The following GRID1 variants were observed in gnomAD, a reference collection of about 807,000 sequenced individuals.
GRID1 encodes glutamate ionotropic receptor delta type subunit 1.
A neutral mutation model predicts 98.0 loss-of-function variants in GRID1; 28 were observed. That is an observed-to-expected ratio of 0.29 (90% CI 0.21 to 0.39). The LOEUF is 0.39. Among genes scored for constraint, GRID1 ranks in the 10% least tolerant of loss-of-function variants. GRID1 has a pLI of 1.00. For missense variants in GRID1, 1,111 were observed against 1,340.5 expected (o/e 0.83, Z 2.67); for synonymous variants, 553 against 538.5 (o/e 1.03, Z -0.37).
intron 4 of GRID1, among the ~76,000 whole-genome samples, chr10:86,040,408 A>G (rs1843329406): frequency 6.6e-6 from 1 of 152,024 alleles, no homozygotes; most frequent in Non-Finnish European, 1.5e-5. Flanking sequence ...CAGCCATAAA[A>G]AATGATGAAA....
intron 2 of GRID1, among the ~76,000 whole-genome samples, chr10:86,271,232 A>C (rs1490395151): frequency 6.6e-6 from 1 of 152,358 alleles, no homozygotes; most frequent in Non-Finnish European, 1.5e-5. Context: ...GAGTATGTAG[A>C]AAGGTCCTGC....
chr10:86,032,687 C>T (rs946922428), intron 4 of GRID1, among the ~76,000 whole-genome samples: 7 of 152,052 alleles, frequency 4.6e-5, no homozygotes, highest in South Asian at 2.1e-4. Context: ...ACAAACACTG[C>T]GGAAGGCCGC....
chr10:85,880,441 A>T (rs934599596), intron 5 of GRID1, among the ~76,000 whole-genome samples: 2 of 152,240 alleles, frequency 1.3e-5, no homozygotes, highest in Non-Finnish European at 2.9e-5. Flanking sequence ...AGTGGGCTTC[A>T]TCCCTGGGAT....
chr10:85,674,678 C>T (rs1390163113), intron 12 of GRID1, among the ~76,000 whole-genome samples: 1 of 150,826 alleles, frequency 6.6e-6, no homozygotes, highest in South Asian at 2.1e-4. Context: ...TGTCACACAA[C>T]TTAGTACAAG....
intron 3 of GRID1, among the ~76,000 whole-genome samples, chr10:86,184,591 TC>T (rs1845703268): frequency 6.6e-6 from 1 of 151,804 alleles, no homozygotes; most frequent in African/African-American, 2.4e-5. Context: ...TAAGTGGGGG[TC>T]CATTTTTGGA....
intron 8 of GRID1, among the ~76,000 whole-genome samples, chr10:85,843,592 C>T (rs1344181301): frequency 2.6e-5 from 4 of 151,820 alleles, no homozygotes; most frequent in African/African-American, 9.7e-5. Flanking sequence ...CTCAACAGTA[C>T]AATATAAGCA....
intron 3 of GRID1, among the ~76,000 whole-genome samples, chr10:86,175,419 C>T (rs1845561307): frequency 6.6e-6 from 1 of 151,946 alleles, no homozygotes; most frequent in Non-Finnish European, 1.5e-5. Context: ...CCTCTTGATA[C>T]CATGATCCCT....
intron 12 of GRID1, among the ~76,000 whole-genome samples, chr10:85,674,932 T>A (rs1590185108): frequency 6.6e-6 from 1 of 152,340 alleles, no homozygotes; most frequent in Non-Finnish European, 1.5e-5. Flanking sequence ...CTGCTTAAAC[T>A]GCTCATATAT....
intron 8 of GRID1, among the ~76,000 whole-genome samples, chr10:85,818,431 A>G (rs1842734788): frequency 1.3e-5 from 2 of 152,200 alleles, no homozygotes; most frequent in South Asian, 4.1e-4. Flanking sequence ...TTGTCCATTA[A>G]AAGGTCCAAG....
chr10:86,008,173 C>A (rs1314709706), intron 4 of GRID1, among the ~76,000 whole-genome samples: 1 of 152,142 alleles, frequency 6.6e-6, no homozygotes, highest in Non-Finnish European at 1.5e-5. Context: ...ACCAGAGGGG[C>A]TTGGCACTGT....
intron 8 of GRID1, among the ~76,000 whole-genome samples, chr10:85,780,862 T>G (rs936793874): frequency 2.0e-5 from 3 of 152,246 alleles, no homozygotes; most frequent in Non-Finnish European, 4.4e-5. Context: ...AAAAACTTCC[T>G]GGCACATAGT....
chr10:85,667,894 A>T (rs1046635517), intron 12 of GRID1, among the ~76,000 whole-genome samples: 3 of 152,008 alleles, frequency 2.0e-5, no homozygotes, highest in African/African-American at 7.2e-5. Flanking sequence ...CTTGCCCTCC[A>T]TTTCTATGGA....
At chr10:85,729,921 A>G (rs1841804601) in intron 8 of GRID1, among the ~76,000 whole-genome samples, 1 of 152,248 alleles carries the variant, frequency 6.6e-6, no homozygotes, top group South Asian at 2.1e-4. Context: ...TCACCCACAG[A>G]GGCCATGTCA....
At chr10:85,815,320 C>T (rs1196745017) in intron 8 of GRID1, among the ~76,000 whole-genome samples, 1 of 151,962 alleles carries the variant, frequency 6.6e-6, no homozygotes, top group Non-Finnish European at 1.5e-5. Flanking sequence ...TGCTTTCTCC[C>T]TAAGAGTGGG....
chr10:86,248,486 C>T (rs1025860651), intron 2 of GRID1, among the ~76,000 whole-genome samples: 2 of 151,838 alleles, frequency 1.3e-5, no homozygotes, highest in African/African-American at 2.4e-5. Context: ...TCTTTCTGCA[C>T]TGGTCGTACA....
At chr10:85,853,177 C>A (rs1034586016) in intron 8 of GRID1, among the ~76,000 whole-genome samples, 1 of 152,054 alleles carries the variant, frequency 6.6e-6, no homozygotes, top group Admixed American at 6.5e-5. Context: ...GCTCTCACAC[C>A]CTCCACCAGT....
At chr10:86,223,503 T>C (rs745272) in intron 2 of GRID1, among the ~76,000 whole-genome samples, 32,923 of 152,214 alleles carry the variant, frequency 0.22, 3,698 homozygotes, top group South Asian at 0.36. Flanking sequence ...GAGGAGGCAT[T>C]CCCATGATGG....
chr10:86,167,821 T>C (rs1692561460), intron 3 of GRID1, among the ~76,000 whole-genome samples: 1 of 152,166 alleles, frequency 6.6e-6, no homozygotes, highest in Admixed American at 6.5e-5. Context: ...CCACCTAGGA[T>C]TCCTGCCTGA....
At chr10:86,063,342 C>T (rs12266132) in intron 4 of GRID1, among the ~76,000 whole-genome samples, 10,793 of 152,218 alleles carry the variant, frequency 0.071, 445 homozygotes, top group East Asian at 0.14. Context: ...TAAAGGAGCT[C>T]ATGGTGAACT....
Sources: gnomAD v4.1 joint callset for allele counts (sites outside exome capture counted in the v4.1 genomes callset) on GRCh38, gnomAD v4.1.1 for gene constraint, MANE v1.5 for transcripts, NCBI Gene and HGNC (gene_info 2026-07-23, HGNC 2026-07-21) for gene names.